ABCA1: variants seen among roughly 807,000 people sequenced by gnomAD.
The protein encoded by ABCA1 is phospholipid-transporting ATPase ABCA1.
A neutral mutation model predicts 262.5 loss-of-function variants in ABCA1; 133 were observed. The ratio of observed to expected loss-of-function variants is 0.51; its 90% CI spans 0.44 to 0.59. The LOEUF (loss-of-function observed/expected upper bound fraction) is 0.59. ABCA1 is among the 20% of genes least tolerant of loss of function. The probability of loss-of-function intolerance (pLI) is 0.00; values close to 1 mark genes in which losing one functional copy is unlikely to be tolerated. For synonymous variants in ABCA1, 1,022 were observed against 1,043.5 expected (o/e 0.98, Z 0.40); for missense variants, 2,452 against 2,777.5 (o/e 0.88, Z 2.63).
intron 7 of ABCA1, chr9:104,855,523 G>A (rs758639481): frequency 6.7e-5 from 53 of 792,176 alleles, no homozygotes; most frequent in Non-Finnish European, 9.2e-5. Flanking sequence ...CTATCTTGAC[G>A]CAATTGTTTT....
At chr9:104,898,528 C>T (rs1840399151) in intron 2 of ABCA1, among the ~76,000 whole-genome samples, 1 of 151,172 alleles carries the variant, frequency 6.6e-6, no homozygotes, top group Admixed American at 6.6e-5. Flanking sequence ...GCCTGGGCGA[C>T]AGAACTAGAC....
At chr9:104,797,547 GT>G (rs1383018708) in intron 37 of ABCA1, among the ~76,000 whole-genome samples, 8 of 139,328 alleles carry the variant, frequency 5.7e-5, no homozygotes, top group African/African-American at 1.9e-4. Flanking sequence ...TGAACACAAG[GT>G]TAATTCTTGG....
At chr9:104,829,646 C>T (rs1305360819) in intron 14 of ABCA1, among the ~76,000 whole-genome samples, 3 of 152,126 alleles carry the variant, frequency 2.0e-5, no homozygotes, top group South Asian at 2.1e-4. Context: ...TTGAGGTTCA[C>T]GTCAAAGCTT....
intron 36 of ABCA1, 91 bp from the exon 37 acceptor site, chr9:104,798,689 C>A: frequency 9.4e-7 from 1 of 1,067,738 alleles, no homozygotes; most frequent in East Asian, 2.6e-5. Context: ...CAAACACACA[C>A]GTACACACAC....
At chr9:104,916,327 T>C (rs1841839329) in intron 1 of ABCA1, among the ~76,000 whole-genome samples, 1 of 152,208 alleles carries the variant, frequency 6.6e-6, no homozygotes, top group South Asian at 2.1e-4. Context: ...CAGGATTTTG[T>C]TCTGATTCAA....
chr9:104,824,712 G>T, intron 17 of ABCA1, 134 bp from the exon 18 acceptor site: 1 of 1,133,576 alleles, frequency 8.8e-7, no homozygotes, highest in Middle Eastern at 2.8e-4. Context: ...GGGAAAGAGG[G>T]AGCTAACATT....
chr9:104,821,856 T>C (rs1832385195), intron 19 of ABCA1, among the ~76,000 whole-genome samples: 1 of 152,222 alleles, frequency 6.6e-6, no homozygotes. Flanking sequence ...ACAATTTTTG[T>C]GTTAGGTAGT....
chr9:104,864,673 A>G (rs188297555), intron 5 of ABCA1, among the ~76,000 whole-genome samples: 54 of 152,192 alleles, frequency 3.5e-4, no homozygotes, highest in Non-Finnish European at 6.8e-4. Context: ...CTTCCTCCTG[A>G]GCAGAGCCAG....
At chr9:104,927,841 G>A (rs1198687598) in intron 1 of ABCA1, 94 bp downstream of exon 1, 3 of 152,538 alleles carry the variant, frequency 2.0e-5, no homozygotes, top group African/African-American at 4.8e-5. Flanking sequence ...GTGGGGCTCC[G>A]GATCAAAGTC....
At chr9:104,834,966 A>AG (rs1390819550) in intron 11 of ABCA1, among the ~76,000 whole-genome samples, 1 of 152,040 alleles carries the variant, frequency 6.6e-6, no homozygotes, top group Non-Finnish European at 1.5e-5. Flanking sequence ...GAGGGAAGAA[A>AG]GGCCGGGCGC....
At chr9:104,838,155 G>A (rs1033219009) in intron 9 of ABCA1, among the ~76,000 whole-genome samples, 3 of 151,906 alleles carry the variant, frequency 2.0e-5, no homozygotes, top group Non-Finnish European at 4.4e-5. Flanking sequence ...GAGAAACCCT[G>A]TCTCTACTAA....
intron 4 of ABCA1, among the ~76,000 whole-genome samples, chr9:104,883,776 G>A (rs966118602): frequency 3.3e-5 from 5 of 152,194 alleles, no homozygotes; most frequent in Non-Finnish European, 5.9e-5. Context: ...ACATCCCATC[G>A]TCCTTACTCC....
Position 104,814,206 on chromosome 9 carries a change from G to T in ABCA1, c.3813C>A (p.Asn1271Lys). ...TSDGTLPARR[N>K]RRAFGDKQSC... is the part of the protein sequence containing the mutation. The stretch of plus-strand genomic sequence containing the variant: ...TCTGCTTGTCCCCGAAGGCCCGCCT[G>T]TTTCGTCTTGCTGGCAAGGTACCAT... The change falls in exon 27 of 50, where the codon AAC (asparagine) becomes AAA (lysine). Residue 1271 changes from asparagine to lysine, a missense_variant. By Grantham distance (94) the Asn-to-Lys change is moderately conservative. Coordinates refer to ENST00000374736, the MANE Select transcript of ABCA1 (RefSeq NM_005502.4). 1 of 1,614,242 alleles carries T rather than the reference G, an allele frequency of 6.2e-7. No individual in the cohort carries two copies. Among genetic ancestry groups the T allele is most frequent in the Admixed American group, 1.7e-5 (1 of 60,032 alleles).
At chr9:104,887,124 A>G (rs1839247629) in intron 3 of ABCA1, among the ~76,000 whole-genome samples, 1 of 152,120 alleles carries the variant, frequency 6.6e-6, no homozygotes, top group African/African-American at 2.4e-5. Flanking sequence ...CTAAAAATAC[A>G]AAAATTAGCC....
intron 14 of ABCA1, among the ~76,000 whole-genome samples, chr9:104,830,580 C>A (rs1378477451): frequency 6.6e-6 from 1 of 151,938 alleles, no homozygotes; most frequent in Non-Finnish European, 1.5e-5. Flanking sequence ...GTCCCAGCTA[C>A]TGTGGAGGCT....
intron 43 of ABCA1, 75 bp downstream of exon 43, chr9:104,791,861 G>T: frequency 6.8e-7 from 1 of 1,462,978 alleles, no homozygotes; most frequent in Non-Finnish European, 9.5e-7. Flanking sequence ...ACCTCTTAAC[G>T]AGCATCGTTG....
intron 13 of ABCA1, 25 bp downstream of exon 13, chr9:104,831,597 G>A (rs767807806): frequency 6.3e-7 from 1 of 1,596,568 alleles, no homozygotes; most frequent in Non-Finnish European, 8.6e-7. Flanking sequence ...CCAAGACCAG[G>A]CTGGTGTGAT....
chr9:104,891,791 C>T (rs768251037), intron 2 of ABCA1, among the ~76,000 whole-genome samples: 1 of 151,068 alleles, frequency 6.6e-6, no homozygotes, highest in Non-Finnish European at 1.5e-5. Flanking sequence ...CATGGTGAAA[C>T]CCCATCTCTA....
chr9:104,803,261 G>A (rs202195655), intron 33 of ABCA1, 23 bp downstream of exon 33: 123 of 1,613,622 alleles, frequency 7.6e-5, no homozygotes, highest in Middle Eastern at 1.6e-4. Flanking sequence ...TGAGCTAAAC[G>A]TGCCAGAAAG....
Sources: allele counts gnomAD v4.1 joint callset (sites outside exome capture counted in the v4.1 genomes callset), GRCh38; gene constraint gnomAD v4.1.1; transcripts MANE v1.5; gene names NCBI Gene and HGNC (gene_info 2026-07-23, HGNC 2026-07-21).